Variants in PPM1L observed in about 807,000 individuals in gnomAD.
PPM1L encodes protein phosphatase, Mg2+/Mn2+ dependent 1L, also known as protein phosphatase 1L.
Under a neutral mutation model 31.4 loss-of-function variants are expected in PPM1L, and 13 were observed. That is an observed-to-expected ratio of 0.41 (90% CI 0.27 to 0.66). The LOEUF (loss-of-function observed/expected upper bound fraction) is 0.66, where lower values mean the gene tolerates loss of function less well. Ranked by LOEUF, PPM1L falls within the 30% of genes least tolerant of loss-of-function variation. The pLI is 0.29. For missense variants in PPM1L, 326 were observed against 453.7 expected, an observed-to-expected ratio of 0.72 and a Z score of 2.56; for synonymous variants, 184 against 175.4, an observed-to-expected ratio of 1.05 and a Z score of -0.39.
intron 1 of PPM1L, among the ~76,000 whole-genome samples, chr3:160,863,252 A>G (rs1711969508): frequency 1.3e-5 from 2 of 152,224 alleles, no homozygotes; most frequent in African/African-American, 4.8e-5. Context: ...CTTGGAGACC[A>G]CATTCAAAAC....
intron 1 of PPM1L, among the ~76,000 whole-genome samples, chr3:160,947,880 A>G (rs1456903520): frequency 6.6e-6 from 1 of 152,200 alleles, no homozygotes; most frequent in Non-Finnish European, 1.5e-5. Flanking sequence ...TGTAGAGAGT[A>G]AAAAATATTA....
At chr3:161,006,936 C>A (rs896188137) in intron 2 of PPM1L, among the ~76,000 whole-genome samples, 1 of 152,192 alleles carries the variant, frequency 6.6e-6, no homozygotes, top group African/African-American at 2.4e-5. Context: ...CCTGCCTCAG[C>A]CTCCCAAAGT....
chr3:160,971,985 C>G (rs1258168626), intron 2 of PPM1L, among the ~76,000 whole-genome samples: 1 of 152,084 alleles, frequency 6.6e-6, no homozygotes, highest in African/African-American at 2.4e-5. Flanking sequence ...CCAGGCTGGT[C>G]TCAAACTCCT....
At chr3:160,897,038 G>A (rs1713356643) in intron 1 of PPM1L, among the ~76,000 whole-genome samples, 1 of 135,894 alleles carries the variant, frequency 7.4e-6, no homozygotes, top group Non-Finnish European at 1.5e-5. Context: ...TATGACTACT[G>A]ACTCTTTTTT....
chr3:160,874,659 A>G (rs571943390), intron 1 of PPM1L, among the ~76,000 whole-genome samples: 1 of 152,232 alleles, frequency 6.6e-6, no homozygotes, highest in African/African-American at 2.4e-5. Context: ...CCCTGCTTAA[A>G]CCTATGTGGA....
chr3:160,862,695 C>CACACAA (rs1711943164), intron 1 of PPM1L, among the ~76,000 whole-genome samples: 1 of 147,468 alleles, frequency 6.8e-6, no homozygotes, highest in Non-Finnish European at 1.5e-5. Flanking sequence ...CACACACACA[C>CACACAA]ACACACACAA....
intron 1 of PPM1L, among the ~76,000 whole-genome samples, chr3:160,843,722 G>T (rs1713981572): frequency 6.6e-6 from 1 of 151,546 alleles, no homozygotes; most frequent in African/African-American, 2.4e-5. Flanking sequence ...AGACAGTGTG[G>T]CGATTCCTCA....
intron 1 of PPM1L, among the ~76,000 whole-genome samples, chr3:160,844,494 T>C (rs1714010998): frequency 6.6e-6 from 1 of 152,144 alleles, no homozygotes; most frequent in African/African-American, 2.4e-5. Context: ...CACAATGCTA[T>C]ATATATATGT....
chr3:160,787,657 T>C (rs1266396623), intron 1 of PPM1L, among the ~76,000 whole-genome samples: 2 of 152,186 alleles, frequency 1.3e-5, no homozygotes, highest in Non-Finnish European at 2.9e-5. Flanking sequence ...GGAGTCTTTA[T>C]CATGAAATCT....
At chr3:160,845,885 G>A (rs980371105) in intron 1 of PPM1L, among the ~76,000 whole-genome samples, 3 of 151,950 alleles carry the variant, frequency 2.0e-5, no homozygotes. Flanking sequence ...TTCAGAGAAG[G>A]AAATACATTT....
intron 2 of PPM1L, among the ~76,000 whole-genome samples, chr3:161,048,332 CTCA>C (rs1213400224): frequency 2.6e-5 from 4 of 152,192 alleles, no homozygotes; most frequent in Admixed American, 2.0e-4. Flanking sequence ...TGATAAAAGG[CTCA>C]TCATCACTGG....
chr3:160,846,317 A>T lies in PPM1L; in HGVS notation c.399+89610A>T, dbSNP rs370652530. ...CTCATTAACAGAATATAAATTTTCC[A>T]TGTGGTTTTGTTGCCTCTTTGCAGT... On this transcript the variant is annotated intron_variant, in intron 1 of 3. Coordinates refer to ENST00000498165, the MANE Select transcript of PPM1L (RefSeq NM_139245.4). 2.6e-5 allele frequency among the ~76,000 whole-genome samples: 4 copies of T among 152,182 alleles called. No homozygotes were observed. In the East Asian group the frequency reaches 5.8e-4, roughly 22 times the overall value.
intron 1 of PPM1L, among the ~76,000 whole-genome samples, chr3:160,859,636 A>C (rs1238533129): frequency 6.6e-6 from 1 of 152,190 alleles, no homozygotes; most frequent in East Asian, 1.9e-4. Flanking sequence ...AGTTAAAGAA[A>C]AGAATGAAAT....
At chr3:160,794,612 G>A (rs538566629) in intron 1 of PPM1L, among the ~76,000 whole-genome samples, 1 of 152,232 alleles carries the variant, frequency 6.6e-6, no homozygotes, top group East Asian at 1.9e-4. Context: ...TGTAAAGCAC[G>A]AAGTTCTTAA....
intron 1 of PPM1L, among the ~76,000 whole-genome samples, chr3:160,922,576 G>A (rs1714453006): frequency 6.6e-6 from 1 of 152,070 alleles, no homozygotes; most frequent in South Asian, 2.1e-4. Context: ...AAGGTCTTTT[G>A]AACTAGATGG....
At chr3:160,947,127 C>T (rs1715433122) in intron 1 of PPM1L, among the ~76,000 whole-genome samples, 1 of 152,140 alleles carries the variant, frequency 6.6e-6, no homozygotes, top group African/African-American at 2.4e-5. Flanking sequence ...TAGGCCTAAC[C>T]TTGTTCTTAA....
intron 1 of PPM1L, among the ~76,000 whole-genome samples, chr3:160,853,591 T>G (rs1452076055): frequency 6.6e-6 from 1 of 152,146 alleles, no homozygotes; most frequent in Non-Finnish European, 1.5e-5. Context: ...AATACTAAAA[T>G]TATTAAATGT....
At chr3:160,918,605 A>T (rs967906562) in intron 1 of PPM1L, among the ~76,000 whole-genome samples, 1 of 152,224 alleles carries the variant, frequency 6.6e-6, no homozygotes, top group Non-Finnish European at 1.5e-5. Flanking sequence ...TTTCCTTAAG[A>T]GTTCTTATTT....
intron 1 of PPM1L, among the ~76,000 whole-genome samples, chr3:160,920,162 C>T (rs1291313307): frequency 6.6e-6 from 1 of 152,188 alleles, no homozygotes; most frequent in Non-Finnish European, 1.5e-5. Flanking sequence ...CTTGTCTCTG[C>T]AGGCGGGCTC....
Sources: allele counts gnomAD v4.1 joint callset (sites outside exome capture counted in the v4.1 genomes callset), GRCh38; gene constraint gnomAD v4.1.1; transcripts MANE v1.5; gene names NCBI Gene and HGNC (gene_info 2026-07-23, HGNC 2026-07-21).